Variants in CCM2L observed in about 807,000 individuals in gnomAD.
CCM2L encodes CCM2 like scaffold protein, also known as cerebral cavernous malformations 2 protein-like.
Under a neutral mutation model 54.1 loss-of-function variants are expected in CCM2L, and 36 were observed. The ratio of observed to expected loss-of-function variants is 0.67; its 90% CI spans 0.51 to 0.88. CCM2L has a LOEUF of 0.88. Among genes scored for constraint, CCM2L ranks in the 40% least tolerant of loss-of-function variants. The pLI is 0.00. For synonymous variants in CCM2L, 351 were observed against 359.3 expected (o/e 0.98, Z 0.26); for missense variants, 700 against 812.1 (o/e 0.86, Z 1.68).
intron 1 of CCM2L, 82 bp downstream of exon 1, chr20:32,010,566 G>GGGGGT: frequency 1.0e-6 from 1 of 984,670 alleles, no homozygotes; most frequent in South Asian, 1.4e-5. Context: ...GGGGTGGGGG[G>GGGGGT]TCGGTAGCGA....
intron 1 of CCM2L, among the ~76,000 whole-genome samples, chr20:32,012,957 A>C (rs77543626): frequency 0.012 from 1,860 of 152,266 alleles, 34 homozygotes; most frequent in African/African-American, 0.042. Flanking sequence ...AGTGGTTTTC[A>C]GCTGAGCTGC....
intron 8 of CCM2L, 93 bp from the exon 9 acceptor site, chr20:32,029,607 A>G: frequency 1.4e-6 from 2 of 1,470,590 alleles, no homozygotes; most frequent in Non-Finnish European, 1.8e-6. Context: ...GAGCTGGACC[A>G]AACATGCCCT....
chr20:32,020,541 C>T (rs1310742105), intron 5 of CCM2L, among the ~76,000 whole-genome samples: 5 of 152,202 alleles, frequency 3.3e-5, no homozygotes, highest in Non-Finnish European at 7.3e-5. Flanking sequence ...CAACCTCCTC[C>T]CCCAAAACCT....
At chr20:32,025,801 G>GA in intron 6 of CCM2L, 55 bp from the exon 7 acceptor site, 1 of 1,229,518 alleles carries the variant, frequency 8.1e-7, no homozygotes, top group Non-Finnish European at 1.1e-6. Context: ...AGGGAGCAGG[G>GA]GATGCTGATC....
rs539766886 is a variant in CCM2L at position 32,022,411 on chromosome 20, T to C, written c.934-249T>C. On this transcript the variant is annotated intron_variant, in intron 5 of 9. Transcript: ENST00000452892. ...CTTAGAAGGGCATCAGGAAGGCTGA[T>C]GAATCCTCCACAAATCTGGGGTACA... Among the ~76,000 whole-genome samples the C allele has an allele frequency of 3.9e-5, 6 of 152,322 alleles. No individual in the cohort carries two copies. In the East Asian group the frequency reaches 1.2e-3, roughly 29 times the overall value.
At position 32,015,539 on chromosome 20, in the gene CCM2L, C is replaced by G. The variant is rs2064734053; in HGVS notation, c.198+468C>G. Among the ~76,000 whole-genome samples, 4 of 152,278 alleles carry G rather than the reference C, an allele frequency of 2.6e-5. No individual in the cohort carries two copies. In the South Asian group the frequency reaches 8.3e-4, roughly 32 times the overall value. Reference sequence around the variant, plus strand: ...GATAATTATACCTGGCTGCAAGGATCAATAACAAGGATGGCACCATTTCCA... The same window carrying G: ...GATAATTATACCTGGCTGCAAGGATGAATAACAAGGATGGCACCATTTCCA... On this transcript the variant is annotated intron_variant, in intron 2 of 9. Coordinates refer to ENST00000452892, the MANE Select transcript of CCM2L (RefSeq NM_001365692.1).
rs1311855328 is a variant in CCM2L at position 32,017,853 on chromosome 20, C to A, written c.252C>A (p.Asp84Glu). The change falls in exon 3 of 10, where the codon GAC becomes GAA. Residue 84 changes from aspartate (D) to glutamate (E), a missense_variant. Coordinates refer to ENST00000452892, the MANE Select transcript of CCM2L (RefSeq NM_001365692.1). ...CCTCACTGAACCCCTCCAGTCGGGA[C>A]GAGCTCCTGCAGCTGCTAGACACCG... ...VTSSLNPSSR[D>E]ELLQLLDTAR... 1.9e-6 allele frequency: 3 copies of A among 1,613,940 alleles called. No homozygotes were observed. The highest frequency in any genetic ancestry group is 2.5e-6 in the Non-Finnish European group (3 of 1,180,030).
intron 8 of CCM2L, 126 bp downstream of exon 8, chr20:32,029,250 T>C (rs2064895788): frequency 7.2e-7 from 1 of 1,395,712 alleles, no homozygotes; most frequent in Non-Finnish European, 9.9e-7. Context: ...GAGCAGGAAA[T>C]GAGGTTAGGA....
At chr20:32,017,426 C>T (rs80024294) in intron 2 of CCM2L, among the ~76,000 whole-genome samples, 1,857 of 152,284 alleles carry the variant, frequency 0.012, 35 homozygotes, top group African/African-American at 0.041. Flanking sequence ...ATAACTTTTG[C>T]TTCCCTATGG....
At chr20:32,011,839 G>A (rs1190768225) in intron 1 of CCM2L, among the ~76,000 whole-genome samples, 1 of 151,836 alleles carries the variant, frequency 6.6e-6, no homozygotes, top group Non-Finnish European at 1.5e-5. Flanking sequence ...TGAGGCAGAT[G>A]GGGCTGGACA....
At position 32,022,682 on chromosome 20, in the gene CCM2L, C is replaced by A. The variant is rs1166479816; in HGVS notation, c.956C>A (p.Ala319Glu). 6.2e-7 allele frequency: 1 copy of A among 1,614,080 alleles called. No individual in the cohort carries two copies. The highest frequency in any genetic ancestry group is 8.5e-7 in the Non-Finnish European group (1 of 1,180,028). Residue 319 changes from alanine to glutamate, a missense_variant, in exon 6 of 10, where the codon GCA (alanine) becomes GAA (glutamate). Ala to Glu is a moderately radical substitution (Grantham distance 107). Transcript: ENST00000452892. ...CAGGACGCTGCAGAGGAGTCCTGCG[C>A]ACTCATCTGTCAGGTCTTCCAGATC... ...ANRDAAEESC[A>E]LICQVFQIIY...
intron 6 of CCM2L, among the ~76,000 whole-genome samples, chr20:32,024,442 A>G (rs1168386664): frequency 6.6e-6 from 1 of 152,258 alleles, no homozygotes; most frequent in South Asian, 2.1e-4. Context: ...TCAGTAGGTT[A>G]TTCTGGTGAG....
Position 32,025,868 on chromosome 20 carries a change from A to T in CCM2L, c.1082A>T (p.His361Leu). The change falls in exon 7 of 10, where the codon CAC becomes CTC. Residue 361 changes from histidine (H) to leucine (L), a missense_variant. His to Leu is a moderately conservative substitution (Grantham distance 99, BLOSUM62 -3). Transcript: ENST00000452892. ...CTGCTGGTCCCAGGTGAGAGCTGCC[A>T]CACAGATGGGACGTATGCCTATGAT... ...PWLCSRSESCHTDGTYAYDAD... is the reference protein window; with the variant it reads ...PWLCSRSESCLTDGTYAYDAD... The T allele has an allele frequency of 7.7e-7, 1 of 1,304,034 alleles. No individual in the cohort carries two copies. The highest frequency in any genetic ancestry group is 1.0e-6 in the Non-Finnish European group (1 of 988,926). 80.8% of individuals were successfully genotyped at this position (1,304,034 alleles called of 1,614,324 possible).
chr20:32,017,588 T>C (rs992728057), intron 2 of CCM2L, among the ~76,000 whole-genome samples: 10 of 152,222 alleles, frequency 6.6e-5, no homozygotes, highest in African/African-American at 2.4e-4. Context: ...GTTTTTCTCA[T>C]CCTTAAAGCA....
At chr20:32,018,801 A>C (rs909867) in intron 4 of CCM2L, 142 bp from the exon 5 acceptor site, 1 of 1,053,182 alleles carries the variant, frequency 9.5e-7, no homozygotes. Context: ...TGGGCGGGGA[A>C]CCGCCGCGCT....
Position 32,017,895 on chromosome 20 carries a change from G to T in CCM2L, c.282+12G>T. 1 of 1,613,828 alleles carries T rather than the reference G, an allele frequency of 6.2e-7. No individual in the cohort carries two copies. The highest frequency in any genetic ancestry group is 2.2e-5 in the East Asian group (1 of 44,838). On this transcript the variant is annotated intron_variant, in intron 3 of 9. Transcript: ENST00000452892. ...TAGACACCGCCAGGGTGAGACTCTG[G>T]GGAGGGAGGAGGGCAGGATCTCGCT...
chr20:32,020,284 A>C (rs981305044), intron 5 of CCM2L, among the ~76,000 whole-genome samples: 9 of 152,176 alleles, frequency 5.9e-5, no homozygotes, highest in African/African-American at 1.9e-4. Context: ...AATAACCAGT[A>C]AACTCAGACA....
chr20:32,031,487 C>T lies in CCM2L; in HGVS notation c.*173C>T, dbSNP rs1026720058. 16 of 416,586 alleles carry T rather than the reference C, an allele frequency of 3.8e-5. 1 individual carries two copies. Among genetic ancestry groups the T allele is most frequent in the African/African-American group, 2.4e-4 (11 of 46,182 alleles). 25.8% of individuals were successfully genotyped at this position (416,586 alleles called of 1,614,324 possible). A position where few individuals can be genotyped will look rare whatever the true frequency, so the allele number is the denominator to read the frequency against. ...GGGGCCATGCAGTACCTGGAGTGTC[C>T]TGCAGGGGGAAAGCGAAGCCGGGCC... On this transcript the variant is annotated 3_prime_UTR_variant, in exon 10 of 10. Transcript: ENST00000452892.
At position 32,019,159 on chromosome 20, in the gene CCM2L, G is replaced by A. The variant is rs2122336304; in HGVS notation, c.683G>A (p.Arg228His). Residue 228 changes from arginine (R) to histidine (H), a missense_variant, in exon 5 of 10, where the codon CGC becomes CAC. Arg to His is a conservative substitution (Grantham distance 29, BLOSUM62 0). Coordinates refer to ENST00000452892, the MANE Select transcript of CCM2L (RefSeq NM_001365692.1). ...GGCGGCGGCAGCTTGGAGCGCCAGC[G>A]CGCCGGGGCGCGGGCGTCGGGCAGC... ...GGGGGSLERQ[R>H]AGARASGSWE... 4 of 1,115,418 alleles carry A rather than the reference G, an allele frequency of 3.6e-6. No homozygotes were observed. In the East Asian group the frequency reaches 1.4e-4, roughly 38 times the overall value. 69.1% of individuals were successfully genotyped at this position (1,115,418 alleles called of 1,614,324 possible).
Sources: gnomAD v4.1 joint callset for allele counts (sites outside exome capture counted in the v4.1 genomes callset) on GRCh38, gnomAD v4.1.1 for gene constraint, MANE v1.5 for transcripts, NCBI Gene and HGNC (gene_info 2026-07-23, HGNC 2026-07-21) for gene names.